The following PATL2 variants were observed in gnomAD, a reference collection of about 807,000 sequenced individuals.
The protein encoded by PATL2 is PAT1 homolog 2.
PATL2 carries 73 observed loss-of-function variants against 77.0 expected under a neutral mutation model. That is an observed-to-expected ratio of 0.95 (90% CI 0.78 to 1.15). The LOEUF (loss-of-function observed/expected upper bound fraction) is 1.15, where lower values mean the gene tolerates loss of function less well. Among genes scored for constraint, PATL2 ranks in the 50% most tolerant of loss-of-function variants. PATL2 has a pLI of 0.00. For missense variants in PATL2, 618 were observed against 655.4 expected (o/e 0.94, Z 0.62); for synonymous variants, 265 against 257.1 (o/e 1.03, Z -0.29).
At chr15:44,673,524 T>C (rs1416027893) in intron 6 of PATL2, 147 bp from the exon 7 acceptor site, 2 of 1,032,702 alleles carry the variant, frequency 1.9e-6, no homozygotes, top group Non-Finnish European at 2.8e-6. Flanking sequence ...TCAAGGCAGC[T>C]TTGGGGGCAC....
intron 2 of PATL2, among the ~76,000 whole-genome samples, 186 bp downstream of exon 2, chr15:44,710,685 T>C (rs959041629): frequency 3.3e-5 from 5 of 152,168 alleles, no homozygotes; most frequent in African/African-American, 1.2e-4. Context: ...CATCCATCCA[T>C]TCGTTCATTC....
At chr15:44,688,489 A>G (rs930560761) in intron 3 of PATL2, among the ~76,000 whole-genome samples, 1 of 152,194 alleles carries the variant, frequency 6.6e-6, no homozygotes, top group Admixed American at 6.5e-5. Flanking sequence ...CCAGAACAGC[A>G]TGGCACTGGT....
intron 9 of PATL2, among the ~76,000 whole-genome samples, chr15:44,671,496 A>AG (rs2085675133): frequency 6.6e-6 from 1 of 152,108 alleles, no homozygotes; most frequent in Non-Finnish European, 1.5e-5. Context: ...CTCAAAAAAA[A>AG]AAAAAGAAAA....
chr15:44,669,946 G>A (rs1355589125), intron 10 of PATL2, 21 bp downstream of exon 10: 2 of 1,549,348 alleles, frequency 1.3e-6, no homozygotes, highest in Admixed American at 2.0e-5. Flanking sequence ...GCCCAAGTCA[G>A]CAGGTCAGCC....
chr15:44,667,228 A>C (rs1470711520), intron 15 of PATL2, 25 bp from the exon 16 acceptor site: 6 of 1,515,950 alleles, frequency 4.0e-6, no homozygotes, highest in Non-Finnish European at 5.4e-6. Context: ...TATATATTCC[A>C]GAGCAAAATG....
intron 3 of PATL2, among the ~76,000 whole-genome samples, chr15:44,679,629 G>A (rs2086088585): frequency 7.1e-6 from 1 of 140,466 alleles, no homozygotes; most frequent in African/African-American, 2.7e-5. Context: ...CTGGCTTCAA[G>A]TGATCCACCT....
At chr15:44,706,695 T>A (rs2086743108) in intron 3 of PATL2, among the ~76,000 whole-genome samples, 1 of 152,098 alleles carries the variant, frequency 6.6e-6, no homozygotes, top group Non-Finnish European at 1.5e-5. Flanking sequence ...CTGTGCAGGG[T>A]CAGACGTGAA....
chr15:44,667,316 C>T lies in PATL2; in HGVS notation c.1366-113G>A. On this transcript the variant is annotated intron_variant, in intron 15 of 17. Transcript: ENST00000682850. ...GACAGGTTCACATTTAGAGATAGAG[C>T]TCAAAATATCCACAAGTGCTGTCAG... 6.6e-6 allele frequency: 5 copies of T among 756,008 alleles called. No homozygotes were observed. In the South Asian group the frequency reaches 8.4e-5, roughly 13 times the overall value. The allele number at this position is 756,008 out of a possible 1,614,324, so 46.8% of individuals were successfully genotyped here. A position where few individuals can be genotyped will look rare whatever the true frequency, so the allele number is the denominator to read the frequency against.
intron 3 of PATL2, among the ~76,000 whole-genome samples, chr15:44,695,724 C>A (rs2086489797): frequency 6.6e-6 from 1 of 152,168 alleles, no homozygotes; most frequent in South Asian, 2.1e-4. Flanking sequence ...AGTCACAAGC[C>A]CACCAAGTTC....
intron 3 of PATL2, among the ~76,000 whole-genome samples, chr15:44,684,242 T>TGAG (rs1161594177): frequency 6.6e-6 from 1 of 151,826 alleles, no homozygotes; most frequent in African/African-American, 2.4e-5. Context: ...GGACAGAGAA[T>TGAG]GAGTTTGATG....
intron 16 of PATL2, 155 bp from the exon 17 acceptor site, chr15:44,666,696 G>A: frequency 2.8e-6 from 2 of 718,664 alleles, no homozygotes; most frequent in Non-Finnish European, 2.2e-6. Context: ...TACGTGCCAA[G>A]CAATGCTTAG....
At chr15:44,675,793 C>T (rs2085925342) in intron 4 of PATL2, 102 bp from the exon 5 acceptor site, 3 of 989,594 alleles carry the variant, frequency 3.0e-6, no homozygotes, top group Non-Finnish European at 4.4e-6. Context: ...CATAAGCCAT[C>T]TCCAGCACCA....
At chr15:44,667,622 C>A (rs1036291583) in intron 15 of PATL2, among the ~76,000 whole-genome samples, 1 of 152,278 alleles carries the variant, frequency 6.6e-6, no homozygotes, top group East Asian at 1.9e-4. Flanking sequence ...TCTAGAGTCT[C>A]ATTCTTTAAA....
chr15:44,676,398 A>T, intron 4 of PATL2, 77 bp downstream of exon 4: 1 of 1,278,006 alleles, frequency 7.8e-7, no homozygotes, highest in Non-Finnish European at 1.1e-6. Flanking sequence ...TGGACATCCA[A>T]TCCCATATGT....
chr15:44,676,368 G>C (rs962682029), intron 4 of PATL2, 107 bp downstream of exon 4: 16 of 1,013,632 alleles, frequency 1.6e-5, no homozygotes, highest in Middle Eastern at 2.0e-4. Flanking sequence ...GGAAGAATTT[G>C]GAATAACTTC....
intron 4 of PATL2, chr15:44,675,985 C>T: frequency 2.4e-6 from 1 of 414,820 alleles, no homozygotes; most frequent in Admixed American, 4.1e-5. Context: ...AGTTTGAGAT[C>T]AGCCTGGGCA....
chr15:44,668,968 A>G lies in PATL2; in HGVS notation c.1224+12T>C, dbSNP rs1172549757. On this transcript the variant is annotated intron_variant, in intron 14 of 17. Coordinates refer to ENST00000682850, the MANE Select transcript of PATL2 (RefSeq NM_001387263.1). ...AGGAGACCATCCTCTTCTCCACTCA[A>G]TGCCACAGTACCTGATCAGCCACAT... is the stretch of plus-strand genomic sequence containing the variant. The G allele has an allele frequency of 1.2e-5, 19 of 1,523,794 alleles. No individual in the cohort carries two copies. Among genetic ancestry groups the G allele is most frequent in the Non-Finnish European group, 1.4e-5 (16 of 1,130,582 alleles). The allele number at this position is 1,523,794 out of a possible 1,614,324, so 94.4% of individuals were successfully genotyped here.
chr15:44,667,056 G>A, intron 16 of PATL2, 50 bp downstream of exon 16: 1 of 1,386,562 alleles, frequency 7.2e-7, no homozygotes, highest in Admixed American at 2.0e-5. Flanking sequence ...GGCTCAGTCT[G>A]CACATCCCGA....
intron 17 of PATL2, among the ~76,000 whole-genome samples, 174 bp downstream of exon 17, chr15:44,666,218 G>A (rs2085360882): frequency 1.3e-5 from 2 of 152,232 alleles, no homozygotes; most frequent in East Asian, 1.9e-4. Context: ...ATAAAAGGTT[G>A]GCTGAAGACT....
Sources: allele counts gnomAD v4.1 joint callset (sites outside exome capture counted in the v4.1 genomes callset), GRCh38; gene constraint gnomAD v4.1.1; transcripts MANE v1.5; gene names NCBI Gene and HGNC (gene_info 2026-07-23, HGNC 2026-07-21).